MCC: variants seen among roughly 807,000 people sequenced by gnomAD.
MCC encodes MCC regulator of Wnt signaling pathway, also known as colorectal mutant cancer protein.
In MCC, 90 loss-of-function variants were observed where a neutral mutation model predicts 116.2. That is an observed-to-expected ratio of 0.77 (90% CI 0.65 to 0.92). MCC has a LOEUF of 0.92. Ranked by LOEUF, MCC falls within the 40% of genes least tolerant of loss-of-function variation. MCC has a pLI of 0.00. For missense variants in MCC, 1,516 were observed against 1,312.2 expected (o/e 1.16, Z -2.40); for synonymous variants, 578 against 510.5 (o/e 1.13, Z -1.78).
chr5:113,086,577 T>G (rs1052789705), intron 8 of MCC, among the ~76,000 whole-genome samples: 17 of 152,352 alleles, frequency 1.1e-4, no homozygotes, highest in African/African-American at 3.6e-4. Flanking sequence ...GCACAGAAAT[T>G]AAATGTCCAA....
intron 1 of MCC, among the ~76,000 whole-genome samples, chr5:113,402,331 T>A (rs1188881092): frequency 1.3e-5 from 2 of 151,610 alleles, no homozygotes; most frequent in African/African-American, 2.4e-5. Context: ...CTAATTTTTT[T>A]AATTCTGTGT....
rs1219367713 is a variant in MCC at position 113,047,666 on chromosome 5, G to C, written c.2655+1427C>G. On this transcript the variant is annotated intron_variant, in intron 16 of 18. Transcript: ENST00000408903. The stretch of plus-strand genomic sequence containing the variant: ...TGCGAGTCCTGGGTCTGAAACAAAT[G>C]GGGGTCAAGAGAAGCTTGCATTTAT... Among the ~76,000 whole-genome samples the C allele has an allele frequency of 2.6e-5, 4 of 152,278 alleles. No individual in the cohort carries two copies. The East Asian group carries it at 7.7e-4, about 29-fold the overall frequency.
chr5:113,150,792 G>C (rs1047796942), intron 4 of MCC, among the ~76,000 whole-genome samples: 2 of 152,124 alleles, frequency 1.3e-5, no homozygotes, highest in Non-Finnish European at 2.9e-5. Context: ...CCAGGCACAA[G>C]GGCTCATGCC....
chr5:113,187,582 C>T lies in MCC; in HGVS notation c.628-36160G>A, dbSNP rs138432312. On this transcript the variant is annotated intron_variant, in intron 3 of 18. Coordinates refer to ENST00000408903, the MANE Select transcript of MCC (RefSeq NM_001085377.2). ...TGTAATAAAACATACTGTGAAACCC[C>T]GTCTCTACTAAAAATACAAAAAATT... Among the ~76,000 whole-genome samples the T allele has an allele frequency of 5.4e-3, 822 of 151,958 alleles. 7 individuals are homozygous for T. The highest frequency in any genetic ancestry group is 8.7e-3 in the Admixed American group (133 of 15,268).
At chr5:113,361,219 T>A (rs4705814) in intron 2 of MCC, among the ~76,000 whole-genome samples, 27,953 of 150,692 alleles carry the variant, frequency 0.19, 3,127 homozygotes, top group Admixed American at 0.31. Flanking sequence ...TTTTTTTACT[T>A]AACATTCTTG....
At chr5:113,243,255 GA>G (rs1764446760) in intron 3 of MCC, among the ~76,000 whole-genome samples, 4 of 152,060 alleles carry the variant, frequency 2.6e-5, no homozygotes, top group African/African-American at 9.7e-5. Flanking sequence ...TTCTGGTAAT[GA>G]ATCATCAGCA....
intron 8 of MCC, among the ~76,000 whole-genome samples, chr5:113,096,046 A>G (rs901034584): frequency 8.6e-5 from 13 of 152,042 alleles, no homozygotes; most frequent in African/African-American, 2.4e-4. Context: ...CCCTCCCTCC[A>G]CTTCTAGCTC....
chr5:113,363,893 A>G (rs567267680), intron 2 of MCC, among the ~76,000 whole-genome samples: 2 of 152,324 alleles, frequency 1.3e-5, no homozygotes, highest in South Asian at 4.1e-4. Flanking sequence ...TGGTAGTACA[A>G]GCACTAGGTA....
intron 3 of MCC, among the ~76,000 whole-genome samples, chr5:113,232,220 G>C (rs945416045): frequency 6.6e-6 from 1 of 152,154 alleles, no homozygotes; most frequent in African/African-American, 2.4e-5. Flanking sequence ...CAGTGAAGTA[G>C]GAAAACAACA....
intron 6 of MCC, among the ~76,000 whole-genome samples, chr5:113,112,094 T>C (rs1757132698): frequency 6.6e-6 from 1 of 152,196 alleles, no homozygotes; most frequent in Non-Finnish European, 1.5e-5. Flanking sequence ...AGCAGTCCCC[T>C]CTTTACCAGA....
chr5:113,466,428 G>A (rs1007293572), intron 1 of MCC, among the ~76,000 whole-genome samples: 2 of 147,620 alleles, frequency 1.4e-5, no homozygotes, highest in African/African-American at 5.0e-5. Flanking sequence ...GTGAGAACAT[G>A]TGGTGTTTGG....
intron 3 of MCC, among the ~76,000 whole-genome samples, chr5:113,307,962 C>T (rs1329638895): frequency 2.1e-5 from 3 of 146,280 alleles, no homozygotes; most frequent in Non-Finnish European, 4.6e-5. Flanking sequence ...GCTCCATTTG[C>T]CTGTCTAAAT....
At chr5:113,439,799 T>C (rs1770977930) in intron 1 of MCC, among the ~76,000 whole-genome samples, 1 of 152,242 alleles carries the variant, frequency 6.6e-6, no homozygotes, top group South Asian at 2.1e-4. Context: ...TATATAATAC[T>C]TAGCAAAAGG....
rs886186954 is a variant in MCC at position 113,442,557 on chromosome 5, A to C, written c.170+45688T>G. 3.3e-5 allele frequency among the ~76,000 whole-genome samples: 5 copies of C among 152,218 alleles called. No individual in the cohort carries two copies. In the East Asian group the frequency reaches 5.8e-4, roughly 18 times the overall value. ...GTTGCCATTGCTTTTCGTGTTTTAG[A>C]CATGAAGTCTTTACCCATGCCTATG... On this transcript the variant is annotated intron_variant, in intron 1 of 18. Transcript: ENST00000408903.
At chr5:113,282,304 A>T (rs1766078218) in intron 3 of MCC, among the ~76,000 whole-genome samples, 2 of 152,184 alleles carry the variant, frequency 1.3e-5, no homozygotes, top group South Asian at 4.1e-4. Context: ...AATGCCAAAT[A>T]AAGAAGACGC....
At chr5:113,246,479 G>C (rs1200968347) in intron 3 of MCC, among the ~76,000 whole-genome samples, 1 of 152,194 alleles carries the variant, frequency 6.6e-6, no homozygotes, top group African/African-American at 2.4e-5. Context: ...TAGGGCGAGG[G>C]GTTGTGTAGG....
Position 113,054,028 on chromosome 5 carries a change from T to C in MCC, c.2214-69A>G, listed in dbSNP as rs1752657463. ...CAAGTCATGGCAAATAGATCTTTCC[T>C]CCTCACTCTTCTCCACATTCCCTCT... is the stretch of plus-strand genomic sequence containing the variant. On this transcript the variant is annotated intron_variant, in intron 14 of 18. Transcript: ENST00000408903. 54 of 1,105,596 alleles carry C rather than the reference T, an allele frequency of 4.9e-5. 2 individuals carry two copies. In the South Asian group the frequency reaches 6.7e-4, roughly 14 times the overall value. The allele number at this position is 1,105,596 out of a possible 1,614,324, so 68.5% of individuals were successfully genotyped here. A position where few individuals can be genotyped will look rare whatever the true frequency, so the allele number is the denominator to read the frequency against.
chr5:113,055,442 G>T (rs1236438238), intron 14 of MCC, among the ~76,000 whole-genome samples: 1 of 152,170 alleles, frequency 6.6e-6, no homozygotes, highest in Non-Finnish European at 1.5e-5. Flanking sequence ...ACGAAGACAA[G>T]GCTTCCGGGG....
intron 14 of MCC, among the ~76,000 whole-genome samples, chr5:113,056,193 A>G (rs1408831030): frequency 6.6e-6 from 1 of 152,178 alleles, no homozygotes; most frequent in Admixed American, 6.5e-5. Flanking sequence ...CGTCTTACAT[A>G]CTTTGAATAT....
Sources: gnomAD v4.1 joint callset for allele counts (sites outside exome capture counted in the v4.1 genomes callset) on GRCh38, gnomAD v4.1.1 for gene constraint, MANE v1.5 for transcripts, NCBI Gene and HGNC (gene_info 2026-07-23, HGNC 2026-07-21) for gene names.